SKAP1: variants seen among roughly 807,000 people sequenced by gnomAD.
SKAP1 encodes src kinase-associated phosphoprotein 1.
In SKAP1, 44 loss-of-function variants were observed where a neutral mutation model predicts 58.5. That is an observed-to-expected ratio of 0.75 (90% CI 0.59 to 0.97). SKAP1 has a LOEUF of 0.97. SKAP1 is among the 50% of genes least tolerant of loss of function. The probability of loss-of-function intolerance (pLI) is 0.00; values close to 1 mark genes in which losing one functional copy is unlikely to be tolerated. For synonymous variants in SKAP1, 127 were observed against 149.7 expected (o/e 0.85, Z 1.11); for missense variants, 390 against 435.2 (o/e 0.90, Z 0.92).
At chr17:48,429,147 T>C (rs150953724) in intron 1 of SKAP1, among the ~76,000 whole-genome samples, 87 of 152,364 alleles carry the variant, frequency 5.7e-4, no homozygotes, top group Non-Finnish European at 1.1e-3. Context: ...GTGTCAACTA[T>C]GTCAACTTAG....
At chr17:48,181,515 G>A (rs1416219680) in intron 8 of SKAP1, among the ~76,000 whole-genome samples, 1 of 152,214 alleles carries the variant, frequency 6.6e-6, no homozygotes, top group Non-Finnish European at 1.5e-5. Context: ...AGGCATAACT[G>A]AGTAAAACAG....
intron 4 of SKAP1, among the ~76,000 whole-genome samples, chr17:48,236,662 G>A (rs2065184653): frequency 1.3e-5 from 2 of 152,208 alleles, no homozygotes; most frequent in South Asian, 4.1e-4. Context: ...CTGAGACTGC[G>A]AAGTTTGAGC....
At chr17:48,415,791 C>T (rs1235940316) in intron 1 of SKAP1, among the ~76,000 whole-genome samples, 1 of 152,124 alleles carries the variant, frequency 6.6e-6, no homozygotes, top group Admixed American at 6.5e-5. Flanking sequence ...CTCACTCCTG[C>T]CCAGCCCTGC....
At chr17:48,437,741 CA>C in the SKAP1 span, among the ~76,000 whole-genome samples, 476 of 65,520 alleles carry the variant, frequency 7.3e-3, 3 homozygotes, top group African/African-American at 0.022. Flanking sequence ...GACTCTGTCT[CA>C]AAAAAAAAAA....
intron 11 of SKAP1, among the ~76,000 whole-genome samples, chr17:48,148,839 T>A (rs1368932895): frequency 6.6e-6 from 1 of 152,226 alleles, no homozygotes; most frequent in Non-Finnish European, 1.5e-5. Flanking sequence ...AGAAAAGTTA[T>A]TCTACTGTTG....
In SKAP1 at chr17:48,178,328, T is replaced by C. The variant is rs189462563; in HGVS notation, c.826+1726A>G. On this transcript the variant is annotated intron_variant, in intron 9 of 12. Transcript: ENST00000336915. ...CCACCCGAGAAGGTTCACTGAGGTT[T>C]TCCCAGAGCATTCTTCCACAGTTGT... 2.6e-3 allele frequency among the ~76,000 whole-genome samples: 403 copies of C among 152,192 alleles called. 1 individual carries two copies. The highest frequency in any genetic ancestry group is 9.1e-3 in the African/African-American group (377 of 41,516).
chr17:48,307,432 G>A (rs1198601975), intron 4 of SKAP1: 2 of 152,296 alleles, frequency 1.3e-5, no homozygotes, highest in Non-Finnish European at 2.9e-5. Context: ...TACCAGCAGA[G>A]TTCAGACAGG....
At chr17:48,399,302 A>G (rs972059222) in intron 1 of SKAP1, among the ~76,000 whole-genome samples, 1 of 152,232 alleles carries the variant, frequency 6.6e-6, no homozygotes, top group African/African-American at 2.4e-5. Flanking sequence ...ACAATAGAAT[A>G]AAGGAAAAAA....
At chr17:48,321,669 C>T (rs557454615) in intron 4 of SKAP1, among the ~76,000 whole-genome samples, 7 of 152,224 alleles carry the variant, frequency 4.6e-5, no homozygotes, top group East Asian at 1.9e-4. Flanking sequence ...TGAGCCACCG[C>T]GCTCGGCCTG....
chr17:48,258,101 G>A (rs1313678149), intron 4 of SKAP1, among the ~76,000 whole-genome samples: 3 of 152,144 alleles, frequency 2.0e-5, no homozygotes, highest in South Asian at 2.1e-4. Flanking sequence ...GTCAGGATTC[G>A]AGGCCAGTTA....
chr17:48,360,037 C>T (rs1326736628), intron 3 of SKAP1, among the ~76,000 whole-genome samples: 4 of 152,058 alleles, frequency 2.6e-5, no homozygotes, highest in African/African-American at 9.7e-5. Context: ...TCTCAGAAAC[C>T]TTTTACACCA....
At chr17:48,333,325 G>C (rs1281830248) in intron 4 of SKAP1, among the ~76,000 whole-genome samples, 1 of 152,094 alleles carries the variant, frequency 6.6e-6, no homozygotes, top group African/African-American at 2.4e-5. Context: ...GCAACAAAAA[G>C]GCTGACAGAA....
At chr17:48,248,607 G>A (rs984019871) in intron 4 of SKAP1, among the ~76,000 whole-genome samples, 3 of 151,930 alleles carry the variant, frequency 2.0e-5, no homozygotes, top group African/African-American at 7.3e-5. Flanking sequence ...AAATTGTAGG[G>A]GATAAGAAAT....
At chr17:48,344,097 A>C (rs976997166) in intron 4 of SKAP1, among the ~76,000 whole-genome samples, 3 of 152,186 alleles carry the variant, frequency 2.0e-5, no homozygotes, top group Non-Finnish European at 4.4e-5. Flanking sequence ...CTGGCTAAAG[A>C]AGTTTTAATT....
intron 4 of SKAP1, among the ~76,000 whole-genome samples, chr17:48,320,815 G>A (rs1025489780): frequency 1.3e-5 from 2 of 151,964 alleles, no homozygotes; most frequent in Non-Finnish European, 2.9e-5. Flanking sequence ...GTAATTAAAA[G>A]AACAATAATG....
At chr17:48,438,921 A>G in the SKAP1 span, among the ~76,000 whole-genome samples, 1 of 152,202 alleles carries the variant, frequency 6.6e-6, no homozygotes, top group Non-Finnish European at 1.5e-5. Flanking sequence ...TGAGAAAGAA[A>G]AAGGGAAAAG....
chr17:48,273,753 CT>C (rs2065664413), intron 4 of SKAP1, among the ~76,000 whole-genome samples: 7 of 152,004 alleles, frequency 4.6e-5, no homozygotes, highest in Admixed American at 4.6e-4. Flanking sequence ...TCTATCTCCC[CT>C]TTTGTATAGT....
At chr17:48,378,584 T>G (rs1210973370) in intron 2 of SKAP1, among the ~76,000 whole-genome samples, 1 of 152,130 alleles carries the variant, frequency 6.6e-6, no homozygotes, top group Admixed American at 6.6e-5. Context: ...TTCACACTCC[T>G]GCCTACTTGT....
intron 1 of SKAP1, among the ~76,000 whole-genome samples, chr17:48,407,160 C>T (rs2067596830): frequency 6.6e-6 from 1 of 152,066 alleles, no homozygotes; most frequent in Non-Finnish European, 1.5e-5. Context: ...GAGAAAACAG[C>T]CTATATAAAA....
Sources: allele counts gnomAD v4.1 joint callset (sites outside exome capture counted in the v4.1 genomes callset), GRCh38; gene constraint gnomAD v4.1.1; transcripts MANE v1.5; gene names NCBI Gene and HGNC (gene_info 2026-07-23, HGNC 2026-07-21).